Variants in CLIC4 observed in about 807,000 individuals in gnomAD.
The protein encoded by CLIC4 is CLIC family member 4, also known as chloride intracellular channel protein 4.
Under a neutral mutation model 24.6 loss-of-function variants are expected in CLIC4, and 13 were observed. The ratio of observed to expected loss-of-function variants is 0.53; its 90% CI spans 0.34 to 0.84. CLIC4 has a LOEUF of 0.84. Ranked by LOEUF, CLIC4 falls within the 40% of genes least tolerant of loss-of-function variation. The probability of loss-of-function intolerance (pLI) is 0.01; values close to 1 mark genes in which losing one functional copy is unlikely to be tolerated. For synonymous variants in CLIC4, 104 were observed against 111.3 expected (o/e 0.93, Z 0.41); for missense variants, 227 against 301.7 (o/e 0.75, Z 1.83).
At chr1:24,781,952 G>A (rs1186399442) in intron 1 of CLIC4, among the ~76,000 whole-genome samples, 3 of 152,130 alleles carry the variant, frequency 2.0e-5, no homozygotes, top group African/African-American at 7.2e-5. Flanking sequence ...GCCGGGCCTT[G>A]TAGGACCTAA....
At chr1:24,799,687 C>G (rs1378441584) in intron 2 of CLIC4, among the ~76,000 whole-genome samples, 6 of 126,116 alleles carry the variant, frequency 4.8e-5, no homozygotes, top group Admixed American at 2.2e-4. Flanking sequence ...CCGCCCCGTC[C>G]GGGAGGGAGG....
At chr1:24,831,773 G>GGACTA (rs1237660828) in intron 4 of CLIC4, among the ~76,000 whole-genome samples, 6 of 152,064 alleles carry the variant, frequency 3.9e-5, no homozygotes, top group African/African-American at 1.4e-4. Flanking sequence ...TGCGTAGCTG[G>GGACTA]GACTACAGGC....
At chr1:24,776,171 TTCTC>T (rs140069244) in intron 1 of CLIC4, among the ~76,000 whole-genome samples, 1 of 151,740 alleles carries the variant, frequency 6.6e-6, no homozygotes, top group Admixed American at 6.6e-5. Context: ...CCTGTGCTGG[TTCTC>T]TCTCTCTCTC....
intron 4 of CLIC4, among the ~76,000 whole-genome samples, chr1:24,835,821 A>G (rs183198232): frequency 1.3e-5 from 2 of 152,362 alleles, no homozygotes; most frequent in East Asian, 1.9e-4. Context: ...AAAAGAACAC[A>G]GAACAGGTGG....
intron 3 of CLIC4, among the ~76,000 whole-genome samples, chr1:24,825,905 T>G (rs1639783206): frequency 6.6e-6 from 1 of 152,216 alleles, no homozygotes; most frequent in Non-Finnish European, 1.5e-5. Context: ...TTCTAAAGTC[T>G]TATTGCTCCC....
intron 4 of CLIC4, 30 bp from the exon 5 acceptor site, chr1:24,839,830 G>A: frequency 6.3e-7 from 1 of 1,590,902 alleles, no homozygotes; most frequent in South Asian, 1.1e-5. Flanking sequence ...CCTTCTTACA[G>A]TATTCTCATC....
chr1:24,759,541 G>T (rs756260504), intron 1 of CLIC4, among the ~76,000 whole-genome samples: 2 of 152,094 alleles, frequency 1.3e-5, no homozygotes, highest in Non-Finnish European at 2.9e-5. Context: ...ATTTAAGTGG[G>T]AAATTAAATG....
At chr1:24,766,948 T>A (rs1312075170) in intron 1 of CLIC4, among the ~76,000 whole-genome samples, 1 of 150,474 alleles carries the variant, frequency 6.6e-6, no homozygotes, top group Non-Finnish European at 1.5e-5. Flanking sequence ...GTCCAGTCTT[T>A]TGGCTTCCCT....
At chr1:24,761,180 C>T (rs1287455073) in intron 1 of CLIC4, among the ~76,000 whole-genome samples, 2 of 152,072 alleles carry the variant, frequency 1.3e-5, no homozygotes, top group Non-Finnish European at 2.9e-5. Context: ...GTGGGAAGGG[C>T]TAGTTCTGAT....
At chr1:24,810,275 C>T (rs1639598450) in intron 2 of CLIC4, among the ~76,000 whole-genome samples, 2 of 152,174 alleles carry the variant, frequency 1.3e-5, no homozygotes, top group Non-Finnish European at 2.9e-5. Flanking sequence ...GTAATTTCTA[C>T]TTTTTATGTT....
chr1:24,779,986 C>G (rs1403037972), intron 1 of CLIC4, among the ~76,000 whole-genome samples: 1 of 152,176 alleles, frequency 6.6e-6, no homozygotes, highest in Non-Finnish European at 1.5e-5. Flanking sequence ...TTGCACCCAT[C>G]AAAACCCTTC....
At chr1:24,840,397 A>C (rs1325013096) in intron 5 of CLIC4, among the ~76,000 whole-genome samples, 1 of 152,218 alleles carries the variant, frequency 6.6e-6, no homozygotes, top group African/African-American at 2.4e-5. Flanking sequence ...TTATTATATG[A>C]GACACTGGGC....
At chr1:24,751,782 T>A (rs1428725394) in intron 1 of CLIC4, among the ~76,000 whole-genome samples, 1 of 152,180 alleles carries the variant, frequency 6.6e-6, no homozygotes, top group Non-Finnish European at 1.5e-5. Context: ...GAGAATCACT[T>A]GAACCCGGGA....
At chr1:24,780,483 G>A (rs925322085) in intron 1 of CLIC4, among the ~76,000 whole-genome samples, 1 of 152,194 alleles carries the variant, frequency 6.6e-6, no homozygotes, top group Non-Finnish European at 1.5e-5. Flanking sequence ...ACTTTCTCAT[G>A]TACTCATGGC....
chr1:24,783,649 G>A (rs1423663837), intron 1 of CLIC4, among the ~76,000 whole-genome samples: 1 of 152,214 alleles, frequency 6.6e-6, no homozygotes, highest in African/African-American at 2.4e-5. Flanking sequence ...GTTGCAGTGA[G>A]TTGAGATTGT....
intron 1 of CLIC4, among the ~76,000 whole-genome samples, chr1:24,764,175 A>G (rs1237409731): frequency 6.6e-6 from 1 of 152,156 alleles, no homozygotes; most frequent in East Asian, 1.9e-4. Flanking sequence ...TCTCTGGCTC[A>G]CCGCAACCTC....
chr1:24,800,755 T>G (rs1385188151), intron 2 of CLIC4, among the ~76,000 whole-genome samples: 3 of 152,264 alleles, frequency 2.0e-5, no homozygotes, highest in African/African-American at 7.2e-5. Context: ...CTTGTTGGTC[T>G]GTGACCTTAC....
intron 3 of CLIC4, among the ~76,000 whole-genome samples, chr1:24,818,035 C>T (rs1205810718): frequency 1.3e-5 from 2 of 152,170 alleles, no homozygotes; most frequent in Admixed American, 1.3e-4. Context: ...GATCACTAAT[C>T]ACAGATCATC....
intron 3 of CLIC4, among the ~76,000 whole-genome samples, chr1:24,823,647 G>A (rs1230680159): frequency 1.3e-5 from 2 of 151,940 alleles, no homozygotes; most frequent in Non-Finnish European, 2.9e-5. Context: ...GGTGACGGGC[G>A]CCTGTAATCC....
Sources: allele counts gnomAD v4.1 joint callset (sites outside exome capture counted in the v4.1 genomes callset), GRCh38; gene constraint gnomAD v4.1.1; transcripts MANE v1.5; gene names NCBI Gene and HGNC (gene_info 2026-07-23, HGNC 2026-07-21).